MEGF11: variants seen among roughly 807,000 people sequenced by gnomAD.
MEGF11 encodes multiple EGF like domains 11, also known as multiple epidermal growth factor-like domains protein 11.
MEGF11 carries 126 observed loss-of-function variants against 146.6 expected under a neutral mutation model. The ratio of observed to expected loss-of-function variants is 0.86; its 90% CI spans 0.74 to 1.00. The LOEUF (loss-of-function observed/expected upper bound fraction) is 1.00. Among genes scored for constraint, MEGF11 ranks in the 50% least tolerant of loss-of-function variants. The pLI, the probability that MEGF11 is intolerant of heterozygous loss-of-function variation, is 0.00. For missense variants in MEGF11, 1,509 were observed against 1,521.2 expected, an observed-to-expected ratio of 0.99 and a Z score of 0.13; for synonymous variants, 532 against 583.4, an observed-to-expected ratio of 0.91 and a Z score of 1.27.
intron 5 of MEGF11, among the ~76,000 whole-genome samples, chr15:66,077,689 G>T (rs1023476578): frequency 1.3e-5 from 2 of 152,232 alleles, no homozygotes; most frequent in African/African-American, 4.8e-5. Context: ...GGCCTCAGGG[G>T]ATACGGGTGA....
chr15:66,013,017 A>T (rs2140123488), intron 5 of MEGF11, among the ~76,000 whole-genome samples: 1 of 152,308 alleles, frequency 6.6e-6, no homozygotes, highest in South Asian at 2.1e-4. Flanking sequence ...AACCTTGGAG[A>T]TTCTCCTCTT....
chr15:65,898,122 A>G (rs2078396338), intron 25 of MEGF11, 28 bp from the exon 26 acceptor site: 2 of 1,598,776 alleles, frequency 1.3e-6, no homozygotes, highest in Non-Finnish European at 8.5e-7. Flanking sequence ...AAATGAGTTC[A>G]GAGAACAGAT....
chr15:65,950,297 G>C (rs1052844503), intron 10 of MEGF11, among the ~76,000 whole-genome samples: 2 of 152,108 alleles, frequency 1.3e-5, no homozygotes, highest in Non-Finnish European at 2.9e-5. Flanking sequence ...TAAGAAACTA[G>C]AGGCAGGCTG....
chr15:66,097,171 T>C (rs542792553), intron 4 of MEGF11, among the ~76,000 whole-genome samples: 1 of 152,336 alleles, frequency 6.6e-6, no homozygotes, highest in East Asian at 1.9e-4. Flanking sequence ...TTCGTAAGTG[T>C]TGTTTGAAGC....
At chr15:65,987,249 A>G (rs577227082) in intron 5 of MEGF11, among the ~76,000 whole-genome samples, 12 of 151,854 alleles carry the variant, frequency 7.9e-5, no homozygotes, top group African/African-American at 2.7e-4. Flanking sequence ...TCTCACAACA[A>G]CCTATAATAA....
At chr15:66,173,693 A>ACCCCT (rs1350079664) in intron 1 of MEGF11, among the ~76,000 whole-genome samples, 4 of 150,926 alleles carry the variant, frequency 2.7e-5, no homozygotes, top group Middle Eastern at 3.2e-3. Context: ...CTCCACCATT[A>ACCCCT]CCCCTCCCCT....
At chr15:65,994,420 C>T (rs1448576501) in intron 5 of MEGF11, among the ~76,000 whole-genome samples, 2 of 152,178 alleles carry the variant, frequency 1.3e-5, no homozygotes, top group Admixed American at 1.3e-4. Flanking sequence ...TGCAGAGGCC[C>T]GGCTCCCTGG....
In MEGF11 at chr15:65,913,992, C is replaced by G. The variant is rs755124513; in HGVS notation, c.2474-19G>C. ...AGGGCAGCTGCGGGCAGAGGGAGGG[C>G]CTGAGCCTGGGGCTGGCCTTCTTGC... On this transcript the variant is annotated intron_variant, in intron 19 of 25. Coordinates refer to ENST00000395614, the MANE Select transcript of MEGF11 (RefSeq NM_001385028.1). 6.2e-7 allele frequency: 1 copy of G among 1,606,118 alleles called. No homozygotes were observed.
At chr15:66,181,149 G>T (rs2090536154) in intron 1 of MEGF11, among the ~76,000 whole-genome samples, 2 of 152,196 alleles carry the variant, frequency 1.3e-5, no homozygotes, top group Non-Finnish European at 1.5e-5. Context: ...GCAAAAATTA[G>T]ATACAATGTG....
intron 1 of MEGF11, among the ~76,000 whole-genome samples, chr15:66,210,374 A>G (rs762263138): frequency 6.6e-6 from 1 of 152,138 alleles, no homozygotes; most frequent in African/African-American, 2.4e-5. Context: ...GTTGACCCTA[A>G]GTGCCCTGCC....
chr15:65,935,343 A>G (rs2079738895), intron 10 of MEGF11, among the ~76,000 whole-genome samples: 1 of 128,400 alleles, frequency 7.8e-6, no homozygotes, highest in South Asian at 2.4e-4. Flanking sequence ...AAAAAAAAAA[A>G]AAAAAAAAAA....
intron 5 of MEGF11, among the ~76,000 whole-genome samples, chr15:66,072,944 G>A (rs554722848): frequency 5.3e-5 from 8 of 152,360 alleles, no homozygotes; most frequent in African/African-American, 1.9e-4. Context: ...GGGAACAGCA[G>A]AACCTTAATA....
intron 1 of MEGF11, among the ~76,000 whole-genome samples, chr15:66,164,352 A>T (rs1043198574): frequency 6.6e-6 from 1 of 152,070 alleles, no homozygotes; most frequent in African/African-American, 2.4e-5. Flanking sequence ...CACAACCTGG[A>T]TCGCTGCACG....
At chr15:65,948,172 G>T (rs1217310379) in intron 10 of MEGF11, among the ~76,000 whole-genome samples, 2 of 152,014 alleles carry the variant, frequency 1.3e-5, no homozygotes, top group African/African-American at 2.4e-5. Flanking sequence ...GTACGTGTCT[G>T]CTGTGGGTAC....
intron 11 of MEGF11, among the ~76,000 whole-genome samples, chr15:65,930,201 CTGTT>C (rs1352999993): frequency 6.6e-6 from 1 of 152,188 alleles, no homozygotes; most frequent in Non-Finnish European, 1.5e-5. Context: ...TCAGGACCCT[CTGTT>C]TGAGGGACGT....
intron 5 of MEGF11, among the ~76,000 whole-genome samples, chr15:65,988,990 C>T (rs1240806545): frequency 6.6e-6 from 1 of 152,188 alleles, no homozygotes; most frequent in Non-Finnish European, 1.5e-5. Context: ...TGGTTCTTGG[C>T]CTGGCTGCAG....
At chr15:65,994,179 C>T (rs1352282938) in intron 5 of MEGF11, among the ~76,000 whole-genome samples, 1 of 152,334 alleles carries the variant, frequency 6.6e-6, no homozygotes, top group East Asian at 1.9e-4. Flanking sequence ...TCCTCTCACA[C>T]TCAGAAAGTT....
chr15:66,218,979 CA>C (rs71139474), intron 1 of MEGF11, among the ~76,000 whole-genome samples: 26 of 86,942 alleles, frequency 3.0e-4, no homozygotes, highest in African/African-American at 1.4e-3. Context: ...TATCCACAGG[CA>C]AAAAAAAAAA....
At chr15:66,020,247 G>T (rs755670104) in intron 5 of MEGF11, among the ~76,000 whole-genome samples, 1 of 152,222 alleles carries the variant, frequency 6.6e-6, no homozygotes, top group Non-Finnish European at 1.5e-5. Context: ...CAGGAACATT[G>T]GGTAAGTAGG....
Sources: allele counts gnomAD v4.1 joint callset (sites outside exome capture counted in the v4.1 genomes callset), GRCh38; gene constraint gnomAD v4.1.1; transcripts MANE v1.5; gene names NCBI Gene and HGNC (gene_info 2026-07-23, HGNC 2026-07-21).